The following NDST4 variants were observed in gnomAD, a reference collection of about 807,000 sequenced individuals.
NDST4 encodes N-heparan sulfate sulfotransferase 4.
In NDST4, 63 loss-of-function variants were observed where a neutral mutation model predicts 100.8. The ratio of observed to expected loss-of-function variants is 0.62; its 90% CI spans 0.51 to 0.77. The LOEUF (loss-of-function observed/expected upper bound fraction) is 0.77. NDST4 is among the 30% of genes least tolerant of loss of function. The probability of loss-of-function intolerance (pLI) is 0.00; values close to 1 mark genes in which losing one functional copy is unlikely to be tolerated. For synonymous variants in NDST4, 377 were observed against 361.8 expected (o/e 1.04, Z -0.48); for missense variants, 943 against 1,018.4 (o/e 0.93, Z 1.01).
At chr4:115,048,682 G>A (rs964621083) in intron 2 of NDST4, among the ~76,000 whole-genome samples, 2 of 151,796 alleles carry the variant, frequency 1.3e-5, no homozygotes, top group African/African-American at 4.8e-5. Flanking sequence ...TGTTGGCCCA[G>A]GATGGAGAGC....
intron 2 of NDST4, among the ~76,000 whole-genome samples, chr4:114,999,207 A>C (rs1311548299): frequency 6.6e-6 from 1 of 152,060 alleles, no homozygotes; most frequent in African/African-American, 2.4e-5. Context: ...CTTCCATAGG[A>C]ATTAGCAGGT....
chr4:115,031,638 T>C (rs1257699986), intron 2 of NDST4, among the ~76,000 whole-genome samples: 2 of 152,070 alleles, frequency 1.3e-5, no homozygotes, highest in African/African-American at 4.8e-5. Context: ...AACTCCCTCA[T>C]GTAGTTTAAA....
intron 4 of NDST4, among the ~76,000 whole-genome samples, chr4:114,962,957 TG>T (rs1474149218): frequency 6.6e-6 from 1 of 152,148 alleles, no homozygotes; most frequent in Non-Finnish European, 1.5e-5. Flanking sequence ...CATGAATTGC[TG>T]GTAGAATATA....
chr4:114,885,326 T>C (rs965071525), intron 6 of NDST4, among the ~76,000 whole-genome samples: 2 of 152,132 alleles, frequency 1.3e-5, no homozygotes, highest in African/African-American at 4.8e-5. Context: ...CAGATTATAG[T>C]CTGCTATTAT....
chr4:114,971,474 T>A (rs1008859096), intron 3 of NDST4, among the ~76,000 whole-genome samples: 3 of 151,876 alleles, frequency 2.0e-5, no homozygotes, highest in Non-Finnish European at 4.4e-5. Context: ...AATGATAGAG[T>A]TTTCGTATGA....
intron 4 of NDST4, among the ~76,000 whole-genome samples, chr4:114,951,185 G>C (rs529991085): frequency 5.9e-5 from 9 of 152,044 alleles, no homozygotes; most frequent in Admixed American, 1.3e-4. Flanking sequence ...AAAGATTCAC[G>C]TGTTCACATG....
At chr4:114,963,806 T>C (rs1726319318) in intron 4 of NDST4, among the ~76,000 whole-genome samples, 1 of 152,232 alleles carries the variant, frequency 6.6e-6, no homozygotes, top group Non-Finnish European at 1.5e-5. Context: ...TTTTAGTTAA[T>C]ACGCAAATAT....
intron 2 of NDST4, among the ~76,000 whole-genome samples, chr4:115,071,296 AC>A (rs1729073366): frequency 6.6e-6 from 1 of 151,328 alleles, no homozygotes; most frequent in Non-Finnish European, 1.5e-5. Flanking sequence ...ACACACACAC[AC>A]ACACACACAC....
At chr4:115,082,538 G>A (rs1380661214) in intron 1 of NDST4, among the ~76,000 whole-genome samples, 1 of 152,092 alleles carries the variant, frequency 6.6e-6, no homozygotes, top group Non-Finnish European at 1.5e-5. Flanking sequence ...CTGATGAGCT[G>A]TACAGATCAC....
At chr4:114,847,355 G>A (rs1178836929) in intron 9 of NDST4, among the ~76,000 whole-genome samples, 2 of 99,066 alleles carry the variant, frequency 2.0e-5, no homozygotes, top group Non-Finnish European at 1.7e-5. Context: ...CAGCCTGGGC[G>A]ACAGAGCGAG....
chr4:115,007,607 C>A (rs1727449028), intron 2 of NDST4, among the ~76,000 whole-genome samples: 1 of 67,312 alleles, frequency 1.5e-5, no homozygotes, highest in Non-Finnish European at 3.1e-5. Flanking sequence ...ATGATACAAC[C>A]AAGAGATAGA....
intron 6 of NDST4, among the ~76,000 whole-genome samples, chr4:114,918,566 A>T (rs947889544): frequency 4.9e-4 from 74 of 151,780 alleles, no homozygotes; most frequent in African/African-American, 1.5e-3. Context: ...TAAATAAAAA[A>T]AAAATAAAAT....
At chr4:115,046,263 C>T (rs1405055143) in intron 2 of NDST4, among the ~76,000 whole-genome samples, 3 of 152,124 alleles carry the variant, frequency 2.0e-5, no homozygotes, top group Non-Finnish European at 2.9e-5. Flanking sequence ...AGCTCTTCCT[C>T]AACCAATCTC....
chr4:115,022,421 TATATATGTGTTCC>T lies in NDST4; in HGVS notation c.979-45160_979-45148del, dbSNP rs1727868513. Among the ~76,000 whole-genome samples the T allele has an allele frequency of 1.2e-4, 12 of 101,396 alleles. 1 individual carries two copies. The highest frequency in any genetic ancestry group is 8.5e-4 in the East Asian group (3 of 3,512). The allele number at this position is 101,396 out of a possible 152,430, so 66.5% of individuals were successfully genotyped here. On this transcript the variant is annotated intron_variant, in intron 2 of 13. Coordinates refer to ENST00000264363, the MANE Select transcript of NDST4 (RefSeq NM_022569.3). ...ATGTGTTCCATATATATGTGTTCCA[TATATATGTGTTCC>T]ATATATATGTGTTCCATATATATGT... is the stretch of plus-strand genomic sequence containing the variant.
At chr4:114,966,277 A>G (rs990653377) in intron 4 of NDST4, among the ~76,000 whole-genome samples, 2 of 152,038 alleles carry the variant, frequency 1.3e-5, no homozygotes, top group African/African-American at 4.8e-5. Context: ...ATGCATATAC[A>G]TATTCACATG....
chr4:115,038,450 A>G (rs1379289524), intron 2 of NDST4, among the ~76,000 whole-genome samples: 1 of 152,170 alleles, frequency 6.6e-6, no homozygotes, highest in Non-Finnish European at 1.5e-5. Context: ...TTTCTGCAGT[A>G]AAAGAAAGCC....
chr4:114,995,942 A>T (rs1284363809), intron 2 of NDST4, among the ~76,000 whole-genome samples: 3 of 152,128 alleles, frequency 2.0e-5, no homozygotes, highest in Non-Finnish European at 4.4e-5. Context: ...GAAATGACTC[A>T]TACAAGTCAT....
In NDST4 at chr4:115,076,668, A is replaced by AT; in HGVS notation, c.368dup (p.Asn123LysfsTer12). 4 of 1,613,876 alleles carry AT rather than the reference A, an allele frequency of 2.5e-6. No homozygotes were observed. The highest frequency in any genetic ancestry group is 3.4e-6 in the Non-Finnish European group (4 of 1,179,926). The stretch of plus-strand genomic sequence containing the variant: ...TAACTAAAGTATATTTCCCTTTGCC[A>AT]TTATCTGTAAGAGGAGGTATATCTC... On this transcript the variant is annotated frameshift_variant, in exon 2 of 14. Coordinates refer to ENST00000264363, the MANE Select transcript of NDST4 (RefSeq NM_022569.3). LOFTEE classifies it high-confidence loss of function.
chr4:114,883,254 T>C (rs1024497465), intron 6 of NDST4, among the ~76,000 whole-genome samples: 1 of 152,012 alleles, frequency 6.6e-6, no homozygotes, highest in African/African-American at 2.4e-5. Flanking sequence ...ATGCATTGGG[T>C]GAGTATAGCA....
Sources: gnomAD v4.1 joint callset for allele counts (sites outside exome capture counted in the v4.1 genomes callset) on GRCh38, gnomAD v4.1.1 for gene constraint, MANE v1.5 for transcripts, NCBI Gene and HGNC (gene_info 2026-07-23, HGNC 2026-07-21) for gene names.